SAMD4A: variants seen among roughly 807,000 people sequenced by gnomAD.
SAMD4A encodes the protein protein Smaug homolog 1.
A neutral mutation model predicts 81.3 loss-of-function variants in SAMD4A; 33 were observed. That is an observed-to-expected ratio of 0.41 (90% confidence interval 0.31 to 0.54). The LOEUF (loss-of-function observed/expected upper bound fraction) is 0.54, where lower values mean the gene tolerates loss of function less well. SAMD4A is among the 20% of genes least tolerant of loss of function. The pLI, the probability that SAMD4A is intolerant of heterozygous loss-of-function variation, is 0.37. For missense variants in SAMD4A, 854 were observed against 951.1 expected (o/e 0.90, Z 1.34); for synonymous variants, 389 against 382.1 (o/e 1.02, Z -0.21).
chr14:54,643,497 G>T (rs1457678293), intron 2 of SAMD4A, among the ~76,000 whole-genome samples: 2 of 152,176 alleles, frequency 1.3e-5, no homozygotes, highest in Non-Finnish European at 2.9e-5. Flanking sequence ...GGTCTCCTAG[G>T]CCCGGAGATC....
chr14:54,667,786 G>C (rs1205122273), intron 2 of SAMD4A, among the ~76,000 whole-genome samples: 1 of 152,206 alleles, frequency 6.6e-6, no homozygotes, highest in Non-Finnish European at 1.5e-5. Flanking sequence ...TGCTTACTGA[G>C]TCTTTACCAC....
intron 2 of SAMD4A, among the ~76,000 whole-genome samples, chr14:54,660,680 GT>G (rs1348036828): frequency 6.6e-6 from 1 of 151,990 alleles, no homozygotes; most frequent in Non-Finnish European, 1.5e-5. Flanking sequence ...CAACTTGAAA[GT>G]TTAAAAAAAA....
chr14:54,609,422 G>T (rs944145167), intron 2 of SAMD4A, among the ~76,000 whole-genome samples: 2 of 152,208 alleles, frequency 1.3e-5, no homozygotes, highest in African/African-American at 4.8e-5. Flanking sequence ...ACCCATTTCA[G>T]ACTTCTGACC....
intron 2 of SAMD4A, among the ~76,000 whole-genome samples, chr14:54,628,027 C>T (rs1340074672): frequency 6.6e-6 from 1 of 151,820 alleles, no homozygotes; most frequent in African/African-American, 2.4e-5. Context: ...ATTTCTGTGG[C>T]ACACACGCAG....
chr14:54,673,282 T>C (rs1247620387), intron 2 of SAMD4A, among the ~76,000 whole-genome samples: 1 of 152,240 alleles, frequency 6.6e-6, no homozygotes, highest in Non-Finnish European at 1.5e-5. Context: ...TTTGGCTCTT[T>C]CACGCTCAGG....
At chr14:54,630,803 G>A (rs2034877379) in intron 2 of SAMD4A, among the ~76,000 whole-genome samples, 1 of 152,068 alleles carries the variant, frequency 6.6e-6, no homozygotes, top group Non-Finnish European at 1.5e-5. Context: ...CCAATAGGAT[G>A]TGTGTATGCA....
intron 2 of SAMD4A, among the ~76,000 whole-genome samples, chr14:54,628,826 C>A (rs1035148421): frequency 3.9e-5 from 6 of 152,144 alleles, no homozygotes; most frequent in African/African-American, 1.4e-4. Context: ...GCTCCTTAAT[C>A]CAGGTTCTTC....
intron 4 of SAMD4A, among the ~76,000 whole-genome samples, chr14:54,745,466 C>G (rs1264849225): frequency 6.6e-6 from 1 of 152,178 alleles, no homozygotes; most frequent in African/African-American, 2.4e-5. Context: ...CCCTCGCTCC[C>G]CATGGCAAAC....
intron 2 of SAMD4A, among the ~76,000 whole-genome samples, chr14:54,593,159 A>G (rs1566537294): frequency 6.6e-6 from 1 of 152,176 alleles, no homozygotes; most frequent in Non-Finnish European, 1.5e-5. Flanking sequence ...TTTGGATAAT[A>G]TATATGTTAT....
At chr14:54,684,565 G>A (rs1263125679) in intron 2 of SAMD4A, among the ~76,000 whole-genome samples, 1 of 152,046 alleles carries the variant, frequency 6.6e-6, no homozygotes, top group African/African-American at 2.4e-5. Context: ...TTGCTGATAA[G>A]AGGCATCCCT....
At chr14:54,607,908 C>T (rs569559932) in intron 2 of SAMD4A, among the ~76,000 whole-genome samples, 55 of 150,182 alleles carry the variant, frequency 3.7e-4, no homozygotes, top group African/African-American at 1.3e-3. Flanking sequence ...CCCCGCTACT[C>T]GGGAGGCTGA....
At chr14:54,759,264 C>T (rs1336667583) in intron 6 of SAMD4A, among the ~76,000 whole-genome samples, 1 of 152,210 alleles carries the variant, frequency 6.6e-6, no homozygotes, top group Non-Finnish European at 1.5e-5. Flanking sequence ...ATTTCAGCAT[C>T]CCTGCCCTGG....
chr14:54,740,361 T>C (rs2037816191), intron 4 of SAMD4A, among the ~76,000 whole-genome samples: 5 of 152,226 alleles, frequency 3.3e-5, no homozygotes, highest in Admixed American at 3.3e-4. Context: ...TCTAATGCTA[T>C]TATTCTAATC....
intron 2 of SAMD4A, among the ~76,000 whole-genome samples, chr14:54,606,170 TCTTA>T (rs775067561): frequency 3.4e-5 from 5 of 148,530 alleles, no homozygotes; most frequent in African/African-American, 7.6e-5. Context: ...TTCCTCTATG[TCTTA>T]CTTCTGGGCT....
At chr14:54,568,906 T>C (rs2033045997) in intron 2 of SAMD4A, among the ~76,000 whole-genome samples, 4 of 151,770 alleles carry the variant, frequency 2.6e-5, no homozygotes, top group Admixed American at 1.3e-4. Context: ...TGCTAGTATT[T>C]ACAGACACCT....
chr14:54,592,702 CCCTGTCTTGGCCT>C (rs1343143704), intron 2 of SAMD4A, among the ~76,000 whole-genome samples: 1 of 152,106 alleles, frequency 6.6e-6, no homozygotes, highest in Non-Finnish European at 1.5e-5. Flanking sequence ...CTCGTGATCC[CCCTGTCTTGGCCT>C]CCCAAAGTGC....
intron 2 of SAMD4A, among the ~76,000 whole-genome samples, chr14:54,614,028 A>T (rs928245572): frequency 1.3e-5 from 2 of 152,252 alleles, no homozygotes; most frequent in African/African-American, 4.8e-5. Flanking sequence ...GGCTATTGAA[A>T]TACTGCTTCC....
intron 3 of SAMD4A, among the ~76,000 whole-genome samples, chr14:54,705,024 A>G (rs2140763806): frequency 6.6e-6 from 1 of 152,332 alleles, no homozygotes; most frequent in African/African-American, 2.4e-5. Flanking sequence ...TGCTAACTAC[A>G]GCTTGGCCAA....
intron 2 of SAMD4A, among the ~76,000 whole-genome samples, chr14:54,671,003 G>C (rs1009391129): frequency 6.6e-6 from 1 of 152,110 alleles, no homozygotes; most frequent in Non-Finnish European, 1.5e-5. Flanking sequence ...GGCACCCACC[G>C]AGGATGTGCA....
Sources: gnomAD v4.1 joint callset for allele counts (sites outside exome capture counted in the v4.1 genomes callset) on GRCh38, gnomAD v4.1.1 for gene constraint, MANE v1.5 for transcripts, NCBI Gene and HGNC (gene_info 2026-07-23, HGNC 2026-07-21) for gene names.